The following ATAD2B variants were observed in gnomAD, a reference collection of about 807,000 sequenced individuals.
ATAD2B encodes the protein ATPase family AAA domain-containing protein 2B.
A neutral mutation model predicts 167.6 loss-of-function variants in ATAD2B; 40 were observed. The observed-to-expected ratio is 0.24, with a 90% CI of 0.19 to 0.31. The LOEUF (loss-of-function observed/expected upper bound fraction) is 0.31. ATAD2B is among the 10% of genes least tolerant of loss of function. ATAD2B has a pLI of 1.00. For synonymous variants in ATAD2B, 579 were observed against 596.5 expected, an observed-to-expected ratio of 0.97 and a Z score of 0.43; for missense variants, 1,242 against 1,757.2, an observed-to-expected ratio of 0.71 and a Z score of 5.24.
At chr2:23,820,603 G>A (rs544879095) in intron 16 of ATAD2B, among the ~76,000 whole-genome samples, 7 of 152,118 alleles carry the variant, frequency 4.6e-5, no homozygotes, top group East Asian at 1.9e-4. Context: ...ACATGTGTAC[G>A]GGATATGAGA....
At position 23,757,561 on chromosome 2, in the gene ATAD2B, T is replaced by G. The variant is rs780666521; in HGVS notation, c.3935A>C (p.Asp1312Ala). The G allele has an allele frequency of 1.2e-6, 2 of 1,603,706 alleles. No individual in the cohort carries two copies. Among genetic ancestry groups the G allele is most frequent in the South Asian group, 2.3e-5 (2 of 88,140 alleles). ...CSSEQKILLE[D>A]QSKEKPETST... The stretch of plus-strand genomic sequence containing the variant: ...AGTTTCTGGTTTTTCTTTTGACTGG[T>G]CCTCCAGAAGAATCTTTTGTTCAGA... Residue 1312 changes from aspartate to alanine, a missense_variant, in exon 25 of 28, where the codon GAC (aspartate) becomes GCC (alanine). This residue lies in a region of ATAD2B where 282 missense variants were observed against 346.8 expected (regional missense o/e 0.81). Coordinates refer to ENST00000238789, the MANE Select transcript of ATAD2B (RefSeq NM_017552.4).
the ATAD2B span, among the ~76,000 whole-genome samples, chr2:23,722,247 T>C: frequency 6.6e-6 from 1 of 151,788 alleles, no homozygotes; most frequent in Non-Finnish European, 1.5e-5. Flanking sequence ...TAGGAACAGA[T>C]CCCAATTATA....
At chr2:23,747,649 T>C (rs534125933), downstream of ATAD2B, among the ~76,000 whole-genome samples, 2 of 152,258 alleles carry the variant, frequency 1.3e-5, no homozygotes, top group African/African-American at 4.8e-5. Context: ...GAATCATTAC[T>C]ACTGGTATAT....
rs887541435 is a variant in ATAD2B, at chr2:23,751,027, A to G, written c.*1019T>C. ...TGTCCATTTGGCAAGTCCTGGCTTTAAAACAAAACAACAATTTACTACATA... is the reference window on the plus strand; with the variant it reads ...TGTCCATTTGGCAAGTCCTGGCTTTGAAACAAAACAACAATTTACTACATA... On this transcript the variant is annotated 3_prime_UTR_variant, in exon 28 of 28. Coordinates refer to ENST00000238789, the MANE Select transcript of ATAD2B (RefSeq NM_017552.4). 1 of 152,128 alleles carries G rather than the reference A, an allele frequency of 6.6e-6. No homozygotes were observed. Among genetic ancestry groups the G allele is most frequent in the African/African-American group, 2.4e-5 (1 of 41,442 alleles). The allele number at this position is 152,128 out of a possible 1,614,324, so 9.4% of individuals were successfully genotyped here. A position where few individuals can be genotyped will look rare whatever the true frequency, so the allele number is the denominator to read the frequency against.
At chr2:23,733,306 T>C in the ATAD2B span, among the ~76,000 whole-genome samples, 1 of 152,226 alleles carries the variant, frequency 6.6e-6, no homozygotes, top group African/African-American at 2.4e-5. Context: ...TTGATACTGT[T>C]GTCCATTTTG....
intron 7 of ATAD2B, among the ~76,000 whole-genome samples, chr2:23,879,416 T>A (rs1056504729): frequency 1.3e-5 from 2 of 152,042 alleles, no homozygotes; most frequent in Non-Finnish European, 2.9e-5. Context: ...AAGACCAGCC[T>A]CGGCAACACA....
intron 13 of ATAD2B, among the ~76,000 whole-genome samples, chr2:23,835,575 C>A (rs1293554547): frequency 6.6e-6 from 1 of 152,184 alleles, no homozygotes; most frequent in Non-Finnish European, 1.5e-5. Flanking sequence ...AATGTTCTAA[C>A]ATTGACTGTA....
intron 16 of ATAD2B, among the ~76,000 whole-genome samples, chr2:23,820,096 T>G (rs1238150784): frequency 6.6e-6 from 1 of 152,066 alleles, no homozygotes; most frequent in Non-Finnish European, 1.5e-5. Context: ...TACTTAAGTG[T>G]TATGAGATAT....
chr2:23,745,056 C>A (rs984111029), downstream of ATAD2B, among the ~76,000 whole-genome samples: 1 of 151,920 alleles, frequency 6.6e-6, no homozygotes, highest in African/African-American at 2.4e-5. Flanking sequence ...GAGGCCAAGG[C>A]GGGCAGATCA....
At chr2:23,708,720 TTAATG>T in the ATAD2B span, 2 of 152,216 alleles carry the variant, frequency 1.3e-5, no homozygotes. Flanking sequence ...AGTGCAGAAC[TTAATG>T]ATTAGAAAGG....
At chr2:23,734,382 ACTC>A in the ATAD2B span, among the ~76,000 whole-genome samples, 1 of 151,868 alleles carries the variant, frequency 6.6e-6, no homozygotes, top group African/African-American at 2.4e-5. Context: ...CTGGTCTCGA[ACTC>A]CTGACCTCAA....
chr2:23,889,839 A>G (rs1159659249), intron 2 of ATAD2B, among the ~76,000 whole-genome samples: 1 of 151,252 alleles, frequency 6.6e-6, no homozygotes, highest in Non-Finnish European at 1.5e-5. Flanking sequence ...GAATTGCTTG[A>G]ACCCAGGAGG....
downstream of ATAD2B, among the ~76,000 whole-genome samples, chr2:23,748,075 GCAAAA>G (rs1674998357): frequency 6.6e-6 from 1 of 152,006 alleles, no homozygotes; most frequent in Non-Finnish European, 1.5e-5. Context: ...GAAAAATCAG[GCAAAA>G]CAAAGTCTTA....
chr2:23,804,691 C>T (rs1310611192), intron 18 of ATAD2B, among the ~76,000 whole-genome samples: 1 of 151,306 alleles, frequency 6.6e-6, no homozygotes, highest in South Asian at 2.1e-4. Context: ...AAAAAAAACC[C>T]TATAACATCA....
chr2:23,730,912 TAAAA>T, the ATAD2B span, among the ~76,000 whole-genome samples: 1 of 148,404 alleles, frequency 6.7e-6, no homozygotes, highest in Non-Finnish European at 1.5e-5. Context: ...AAAAGATAAA[TAAAA>T]AGAGACTGAT....
chr2:23,893,710 C>G (rs1699833759), intron 2 of ATAD2B, among the ~76,000 whole-genome samples: 1 of 149,766 alleles, frequency 6.7e-6, no homozygotes, highest in South Asian at 2.1e-4. Flanking sequence ...CACTCTGCCA[C>G]CCGGGATGGA....
Position 23,897,101 on chromosome 2 carries a change from G to GA in ATAD2B, c.217-1132dup, listed in dbSNP as rs1244445730. Reference sequence around the variant, plus strand: ...GCAACCACTGCACTCCAGACTGGGTGACAGAGCGAGACTCCGTCTCAAAAA... The same window carrying GA: ...GCAACCACTGCACTCCAGACTGGGTGAACAGAGCGAGACTCCGTCTCAAAAA... On this transcript the variant is annotated intron_variant, in intron 1 of 27. Transcript: ENST00000238789. 2.0e-5 allele frequency among the ~76,000 whole-genome samples: 3 copies of GA among 152,202 alleles called. No individual in the cohort carries two copies. In the East Asian group the frequency reaches 5.8e-4, roughly 29 times the overall value.
chr2:23,920,013 T>C (rs544776375), intron 1 of ATAD2B, among the ~76,000 whole-genome samples: 1 of 151,498 alleles, frequency 6.6e-6, no homozygotes, highest in Non-Finnish European at 1.5e-5. Context: ...TAGCCAGACG[T>C]GGTGGCTCAC....
intron 1 of ATAD2B, among the ~76,000 whole-genome samples, chr2:23,897,861 G>A (rs1189886925): frequency 6.6e-6 from 1 of 152,176 alleles, no homozygotes; most frequent in Non-Finnish European, 1.5e-5. Context: ...CAAAAGCTGG[G>A]CACTACGTGT....
Sources: gnomAD v4.1 joint callset for allele counts (sites outside exome capture counted in the v4.1 genomes callset) on GRCh38, gnomAD v4.1.1 for gene constraint, gnomAD v4.1.1 regional missense constraint, MANE v1.5 for transcripts, NCBI Gene and HGNC (gene_info 2026-07-23, HGNC 2026-07-21) for gene names.